Variants in CSMD3 observed in about 807,000 individuals in gnomAD.
CSMD3 encodes CUB and Sushi multiple domains 3, also known as CUB and sushi domain-containing protein 3.
A neutral mutation model predicts 435.2 loss-of-function variants in CSMD3; 177 were observed. That is an observed-to-expected ratio of 0.41 (90% CI 0.36 to 0.46). CSMD3 has a LOEUF of 0.46. Among genes scored for constraint, CSMD3 ranks in the 20% least tolerant of loss-of-function variants. CSMD3 has a pLI of 0.34. For synonymous variants in CSMD3, 1,656 were observed against 1,520.5 expected (o/e 1.09, Z -2.07); for missense variants, 4,265 against 4,504.6 (o/e 0.95, Z 1.52).
At chr8:112,233,776 C>A (rs4876459) in intron 68 of CSMD3, among the ~76,000 whole-genome samples, 101,025 of 151,924 alleles carry the variant, frequency 0.66, 35,435 homozygotes, top group African/African-American at 0.89. Flanking sequence ...TCAGTCTTAA[C>A]ACTCCACTCA....
chr8:112,738,271 A>T (rs1435456675), intron 13 of CSMD3, among the ~76,000 whole-genome samples: 1 of 151,804 alleles, frequency 6.6e-6, no homozygotes, highest in African/African-American at 2.4e-5. Context: ...AGATTGATTA[A>T]ATAATCCTTT....
At chr8:113,305,773 A>C (rs1311561271) in intron 2 of CSMD3, among the ~76,000 whole-genome samples, 1 of 152,238 alleles carries the variant, frequency 6.6e-6, no homozygotes, top group Admixed American at 6.5e-5. Context: ...TGAATGCTCC[A>C]AAGTAAGTAA....
intron 6 of CSMD3, among the ~76,000 whole-genome samples, chr8:113,011,656 A>G (rs2086260119): frequency 1.3e-5 from 2 of 151,848 alleles, no homozygotes; most frequent in African/African-American, 4.8e-5. Flanking sequence ...TAGATTTTAA[A>G]TTAAATTAAT....
intron 63 of CSMD3, among the ~76,000 whole-genome samples, chr8:112,249,094 C>A (rs2096726721): frequency 6.6e-6 from 1 of 152,092 alleles, no homozygotes; most frequent in African/African-American, 2.4e-5. Flanking sequence ...TTCAGTCAAA[C>A]CAGTTCTACA....
intron 3 of CSMD3, among the ~76,000 whole-genome samples, chr8:113,216,417 A>G (rs538797163): frequency 1.6e-4 from 24 of 152,048 alleles, no homozygotes; most frequent in Non-Finnish European, 2.8e-4. Flanking sequence ...GTGAATTTGA[A>G]CAAGGTATGA....
chr8:112,917,748 A>G (rs2082616234), intron 10 of CSMD3, among the ~76,000 whole-genome samples: 1 of 151,966 alleles, frequency 6.6e-6, no homozygotes, highest in Admixed American at 6.6e-5. Context: ...ATGGGAATGG[A>G]AGTTTAGGAG....
intron 5 of CSMD3, among the ~76,000 whole-genome samples, chr8:113,040,849 T>C (rs999807633): frequency 2.6e-5 from 4 of 151,990 alleles, no homozygotes; most frequent in African/African-American, 9.7e-5. Flanking sequence ...AGAAGACCAA[T>C]AACTTGCTCC....
At chr8:113,013,700 A>G (rs1222388159) in intron 6 of CSMD3, among the ~76,000 whole-genome samples, 1 of 152,040 alleles carries the variant, frequency 6.6e-6, no homozygotes, top group Non-Finnish European at 1.5e-5. Context: ...ACTGGCTCCA[A>G]CCATTTTTCT....
intron 3 of CSMD3, among the ~76,000 whole-genome samples, chr8:113,195,139 T>C (rs951522019): frequency 5.3e-5 from 8 of 151,176 alleles, no homozygotes; most frequent in African/African-American, 1.9e-4. Flanking sequence ...AGCAAGTGAT[T>C]GAGCTATTTT....
At chr8:112,265,024 A>G (rs996895625) in intron 60 of CSMD3, among the ~76,000 whole-genome samples, 1 of 152,036 alleles carries the variant, frequency 6.6e-6, no homozygotes, top group Non-Finnish European at 1.5e-5. Flanking sequence ...CAAATTATAG[A>G]AAGAATTTTT....
intron 64 of CSMD3, 64 bp from the exon 65 acceptor site, chr8:112,244,637 G>A (rs555102729): frequency 2.4e-6 from 3 of 1,264,986 alleles, no homozygotes; most frequent in African/African-American, 3.0e-5. Flanking sequence ...TTTGAGACAG[G>A]AGTCACAATA....
intron 1 of CSMD3, among the ~76,000 whole-genome samples, chr8:113,327,033 C>G (rs886763032): frequency 6.6e-6 from 1 of 152,140 alleles, no homozygotes; most frequent in Non-Finnish European, 1.5e-5. Flanking sequence ...AATTGGATAG[C>G]TTTAAGAAGT....
chr8:113,338,527 T>C (rs1234731211), intron 1 of CSMD3, among the ~76,000 whole-genome samples: 2 of 151,944 alleles, frequency 1.3e-5, no homozygotes, highest in Non-Finnish European at 1.5e-5. Context: ...ATTCATACAA[T>C]AGAATACTAT....
At chr8:112,300,953 G>A (rs552695671) in intron 53 of CSMD3, among the ~76,000 whole-genome samples, 22 of 152,036 alleles carry the variant, frequency 1.4e-4, no homozygotes, top group Admixed American at 2.6e-4. Context: ...AAATTTTGCC[G>A]TACTCTATTC....
chr8:113,002,303 A>G (rs2085893870), intron 6 of CSMD3, among the ~76,000 whole-genome samples: 1 of 152,130 alleles, frequency 6.6e-6, no homozygotes, highest in Non-Finnish European at 1.5e-5. Context: ...AAATCTTATA[A>G]AAGATTCCAG....
At chr8:112,534,700 T>C (rs1825882914) in intron 27 of CSMD3, among the ~76,000 whole-genome samples, 1 of 152,062 alleles carries the variant, frequency 6.6e-6, no homozygotes, top group Non-Finnish European at 1.5e-5. Flanking sequence ...ATCATTCTGA[T>C]ACCAAAGCCA....
At chr8:112,397,116 A>C (rs1175094655) in intron 35 of CSMD3, among the ~76,000 whole-genome samples, 4 of 152,234 alleles carry the variant, frequency 2.6e-5, no homozygotes. Flanking sequence ...AAATATTTTA[A>C]GACATGACCA....
intron 5 of CSMD3, among the ~76,000 whole-genome samples, chr8:113,040,523 A>G (rs1504339): frequency 0.6 from 90,852 of 152,012 alleles, 28,585 homozygotes; most frequent in East Asian, 0.95. Context: ...ATGGAGGTCA[A>G]TAGAGAGGTT....
chr8:112,917,783 G>T (rs763634204), intron 10 of CSMD3, among the ~76,000 whole-genome samples: 3 of 151,870 alleles, frequency 2.0e-5, no homozygotes, highest in Non-Finnish European at 4.4e-5. Flanking sequence ...TTTCAAACCA[G>T]GAGATACATA....
Sources: gnomAD v4.1 joint callset for allele counts (sites outside exome capture counted in the v4.1 genomes callset) on GRCh38, gnomAD v4.1.1 for gene constraint, MANE v1.5 for transcripts, NCBI Gene and HGNC (gene_info 2026-07-23, HGNC 2026-07-21) for gene names.